BAZ1B: variants seen among roughly 807,000 people sequenced by gnomAD.
BAZ1B encodes tyrosine-protein kinase BAZ1B.
A neutral mutation model predicts 153.8 loss-of-function variants in BAZ1B; 22 were observed. That is an observed-to-expected ratio of 0.14 (90% CI 0.10 to 0.20). The LOEUF (loss-of-function observed/expected upper bound fraction) is 0.20, where lower values mean the gene tolerates loss of function less well. Ranked by LOEUF, BAZ1B falls within the 10% of genes least tolerant of loss-of-function variation. The pLI is 1.00. For missense variants in BAZ1B, 1,325 were observed against 1,799.3 expected (o/e 0.74, Z 4.77); for synonymous variants, 676 against 633.4 (o/e 1.07, Z -1.01).
At chr7:73,489,896 C>A (rs901095133) in intron 5 of BAZ1B, among the ~76,000 whole-genome samples, 15 of 152,162 alleles carry the variant, frequency 9.9e-5, no homozygotes, top group South Asian at 4.1e-4. Flanking sequence ...AATATGTATA[C>A]CCTTTCAGCA....
chr7:73,494,347 C>G (rs1789786706), intron 4 of BAZ1B, among the ~76,000 whole-genome samples: 1 of 152,116 alleles, frequency 6.6e-6, no homozygotes, highest in African/African-American at 2.4e-5. Flanking sequence ...CATGCCACTG[C>G]ACTCCAGCCT....
intron 3 of BAZ1B, among the ~76,000 whole-genome samples, chr7:73,503,245 T>C (rs1554577360): frequency 6.6e-6 from 1 of 152,214 alleles, no homozygotes; most frequent in East Asian, 1.9e-4. Flanking sequence ...GCAGCAAGTT[T>C]TTTTCTTTAT....
intron 6 of BAZ1B, 139 bp downstream of exon 6, chr7:73,489,055 G>A (rs1278519120): frequency 1.3e-6 from 1 of 796,498 alleles, no homozygotes; most frequent in Non-Finnish European, 2.0e-6. Flanking sequence ...CAACCTGTAT[G>A]TAACAGATAT....
chr7:73,456,666 G>C (rs1448655695), intron 13 of BAZ1B, among the ~76,000 whole-genome samples: 2 of 152,082 alleles, frequency 1.3e-5, no homozygotes, highest in African/African-American at 4.8e-5. Context: ...CAAAGGCTGG[G>C]CGTGGTGGCT....
chr7:73,457,061 T>C (rs1373923369), intron 13 of BAZ1B, among the ~76,000 whole-genome samples: 3 of 144,932 alleles, frequency 2.1e-5, no homozygotes, highest in South Asian at 2.2e-4. Flanking sequence ...TAGGAAACCA[T>C]AGAGTGGTTC....
Position 73,486,512 on chromosome 7 carries a change from G to C in BAZ1B, c.891+2682C>G, listed in dbSNP as rs568646795. On this transcript the variant is annotated intron_variant, in intron 6 of 19. Transcript: ENST00000339594. ...CGGCTAATTTTTTGTATTTTTAGTA[G>C]AGACGGGGTTTCACCATGTCAGCCA... 1.5e-4 allele frequency among the ~76,000 whole-genome samples: 23 copies of C among 152,204 alleles called. No individual in the cohort carries two copies. The East Asian group carries it at 4.4e-3, about 29-fold the overall frequency.
At chr7:73,494,933 C>A (rs1451498801) in intron 4 of BAZ1B, among the ~76,000 whole-genome samples, 1 of 152,156 alleles carries the variant, frequency 6.6e-6, no homozygotes, top group Non-Finnish European at 1.5e-5. Context: ...TGTTTACCTG[C>A]CTTGGGATAC....
intron 3 of BAZ1B, 103 bp downstream of exon 3, chr7:73,508,212 TTAAATATAATAC>T: frequency 8.6e-7 from 1 of 1,167,780 alleles, no homozygotes; most frequent in Non-Finnish European, 1.2e-6. Flanking sequence ...ATACTTAACA[TTAAATATAATAC>T]TAAATATAAC....
chr7:73,455,990 T>G (rs1788184607), intron 13 of BAZ1B, among the ~76,000 whole-genome samples: 1 of 152,176 alleles, frequency 6.6e-6, no homozygotes, highest in African/African-American at 2.4e-5. Flanking sequence ...GTGACATCCT[T>G]GGGCAGTGAA....
rs782569295 is a variant in BAZ1B at position 73,498,587 on chromosome 7, T to C, written c.481A>G (p.Ser161Gly). 4 of 1,613,982 alleles carry C rather than the reference T, an allele frequency of 2.5e-6. No individual in the cohort carries two copies. Among genetic ancestry groups the C allele is most frequent in the African/African-American group, 1.3e-5 (1 of 74,918 alleles). Residue 161 changes from serine (S) to glycine (G), a missense_variant, in exon 4 of 20, where the codon AGT (serine) becomes GGT (glycine). Physicochemically the swap from Ser to Gly is moderately conservative, Grantham distance 56. Around this residue, in one of 9 missense-constraint regions of BAZ1B, gnomAD observed 153 missense variants for 204.8 expected, o/e 0.75. Coordinates refer to ENST00000339594, the MANE Select transcript of BAZ1B (RefSeq NM_032408.4). ...KSDGACDSPS[S>G]DKENSSQIAQ... is the part of the protein sequence containing the mutation. ...ATCTGACTGGAGTTCTCTTTGTCAC[T>C]TGATGGAGAATCACAGGCACCATCA...
rs782005305 is a variant in BAZ1B, at chr7:73,492,915, C to T, written c.578G>A (p.Arg193Lys). ...AAGTTTTCGTGGCGATCTACGTGCTCTGTCATCTAGTCAAATCATAGAAAA... is the reference window on the plus strand; with the variant it reads ...AAGTTTTCGTGGCGATCTACGTGCTTTGTCATCTAGTCAAATCATAGAAAA... ...DEGRRESIND[R>K]ARRSPRKLPT... Residue 193 changes from arginine (R) to lysine (K), a missense_variant, in exon 5 of 20, where the codon AGA becomes AAA. By Grantham distance (26) the Arg-to-Lys change is conservative. Coordinates refer to ENST00000339594, the MANE Select transcript of BAZ1B (RefSeq NM_032408.4). The T allele has an allele frequency of 1.9e-6, 3 of 1,598,470 alleles. No homozygotes were observed. The highest frequency in any genetic ancestry group is 4.5e-5 in the East Asian group (2 of 44,710).
At position 73,452,064 on chromosome 7, in the gene BAZ1B, T is replaced by G. The variant is rs1292178137; in HGVS notation, c.3433-1070A>C. Among the ~76,000 whole-genome samples, 2 of 152,360 alleles carry G rather than the reference T, an allele frequency of 1.3e-5. 1 individual carries two copies. Among genetic ancestry groups the G allele is most frequent in the South Asian group, 4.1e-4 (2 of 4,832 alleles). ...GCTTTTTACTATTTCCTATGAATTATAAAATCTGAGCATCCAATAGCTCAT... is the reference window on the plus strand; with the variant it reads ...GCTTTTTACTATTTCCTATGAATTAGAAAATCTGAGCATCCAATAGCTCAT... On this transcript the variant is annotated intron_variant, in intron 13 of 19. Coordinates refer to ENST00000339594, the MANE Select transcript of BAZ1B (RefSeq NM_032408.4).
At chr7:73,478,681 T>A in intron 6 of BAZ1B, 112 bp from the exon 7 acceptor site, 6 of 830,750 alleles carry the variant, frequency 7.2e-6, no homozygotes, top group Non-Finnish European at 1.0e-5. Flanking sequence ...AGCTACATAT[T>A]CATATCTCTT....
intron 5 of BAZ1B, among the ~76,000 whole-genome samples, 192 bp downstream of exon 5, chr7:73,492,608 T>C (rs782655055): frequency 2.6e-5 from 4 of 152,208 alleles, no homozygotes; most frequent in African/African-American, 4.8e-5. Context: ...AGGAAAAGCA[T>C]GGTATCTTCT....
Position 73,492,939 on chromosome 7 carries a change from A to C in BAZ1B, c.572-18T>G, listed in dbSNP as rs1276688970. On this transcript the variant is annotated intron_variant, in intron 4 of 19. Transcript: ENST00000339594. ...TCTGTCATCTAGTCAAATCATAGAA[A>C]ATTAGTGAAAAACGTAATTATTTTA... The C allele has an allele frequency of 6.4e-7, 1 of 1,572,868 alleles. No individual in the cohort carries two copies. The highest frequency in any genetic ancestry group is 8.6e-7 in the Non-Finnish European group (1 of 1,166,764).
Position 73,450,315 on chromosome 7 carries a change from C to T in BAZ1B, c.3580+532G>A, listed in dbSNP as rs73362325. 0.021 allele frequency among the ~76,000 whole-genome samples: 3,243 copies of T among 152,264 alleles called. 111 individuals are homozygous for T. Among genetic ancestry groups the T allele is most frequent in the African/African-American group, 0.073 (3,027 of 41,526 alleles). ...TCTCCTTCCAACCTTCATTCTAGAG[C>T]GATTGAACGCTTTACAGCAACTGAA... On this transcript the variant is annotated intron_variant, in intron 14 of 19. Transcript: ENST00000339594. The surrounding 1 kb of genome is among the most constrained non-coding windows in gnomAD (Gnocchi z 4.1).
intron 6 of BAZ1B, among the ~76,000 whole-genome samples, chr7:73,487,435 A>T (rs879967083): frequency 6.6e-6 from 1 of 152,218 alleles, no homozygotes; most frequent in Non-Finnish European, 1.5e-5. Context: ...TCTCTAAAGT[A>T]AGAAATAAGT....
Position 73,469,638 on chromosome 7 carries a change from G to C in BAZ1B, c.2745C>G (p.Phe915Leu). 6.2e-7 allele frequency: 1 copy of C among 1,614,096 alleles called. No individual in the cohort carries two copies. Among genetic ancestry groups the C allele is most frequent in the Non-Finnish European group, 8.5e-7 (1 of 1,179,992 alleles). ...TGAATAATCCTGGAACTTCATCTGAGAAGAGCCAGTATCTACAAATCACAA... is the reference window on the plus strand; with the variant it reads ...TGAATAATCCTGGAACTTCATCTGACAAGAGCCAGTATCTACAAATCACAA... ...TDRNHNRYWL[F>L]SDEVPGLFIE... Residue 915 changes from phenylalanine (F) to leucine (L), a missense_variant, in exon 9 of 20, where the codon TTC (phenylalanine) becomes TTG (leucine). This residue lies in a region of BAZ1B where 431 missense variants were observed against 563.5 expected (regional missense o/e 0.76). Coordinates refer to ENST00000339594, the MANE Select transcript of BAZ1B (RefSeq NM_032408.4).
chr7:73,451,321 G>T (rs1231447825), intron 13 of BAZ1B, among the ~76,000 whole-genome samples: 1 of 152,108 alleles, frequency 6.6e-6, no homozygotes, highest in Non-Finnish European at 1.5e-5. Flanking sequence ...ATAAAACTCC[G>T]ATTTAAAAGA....
Sources: allele counts gnomAD v4.1 joint callset (sites outside exome capture counted in the v4.1 genomes callset), GRCh38; gene constraint gnomAD v4.1.1; regional missense constraint gnomAD v4.1.1; non-coding constraint Gnocchi (gnomAD v3.1); transcripts MANE v1.5; gene names NCBI Gene and HGNC (gene_info 2026-07-23, HGNC 2026-07-21).